The following PALM2AKAP2 variants were observed in gnomAD, a reference collection of about 807,000 sequenced individuals.
The protein encoded by PALM2AKAP2 is PALM2-AKAP2 fusion protein.
A neutral mutation model predicts 71.5 loss-of-function variants in PALM2AKAP2; 37 were observed. The observed-to-expected ratio is 0.52, with a 90% confidence interval of 0.40 to 0.68. PALM2AKAP2 has a LOEUF of 0.68. Ranked by LOEUF, PALM2AKAP2 falls within the 30% of genes least tolerant of loss-of-function variation. PALM2AKAP2 has a pLI of 0.00. For missense variants in PALM2AKAP2, 1,224 were observed against 1,191.8 expected (o/e 1.03, Z -0.40); for synonymous variants, 468 against 478.8 (o/e 0.98, Z 0.29).
chr9:109,696,595 G>A (rs1827973954), intron 1 of PALM2AKAP2, among the ~76,000 whole-genome samples: 1 of 152,152 alleles, frequency 6.6e-6, no homozygotes, highest in Admixed American at 6.5e-5. Context: ...TCACTCAGTG[G>A]TGTTGGTACA....
At chr9:109,943,209 G>C (rs1405912755) in intron 6 of PALM2AKAP2, 1 of 1,614,216 alleles carries the variant, frequency 6.2e-7, no homozygotes, top group South Asian at 1.1e-5. Context: ...AGGCTGAATT[G>C]GTCCTCATTG....
chr9:110,085,468 G>GATGTTGGATGTATGTATGTAGAAAAT (rs578234694), intron 1 of PALM2AKAP2, among the ~76,000 whole-genome samples: 2,332 of 152,316 alleles, frequency 0.015, 23 homozygotes, highest in Middle Eastern at 0.031. Context: ...TGGATTTCTT[G>GATGTTGGATGTATGTATGTAGAAAAT]ATGTATGGAT....
intron 1 of PALM2AKAP2, among the ~76,000 whole-genome samples, chr9:109,675,795 A>T (rs1347952563): frequency 6.6e-6 from 1 of 152,196 alleles, no homozygotes; most frequent in Non-Finnish European, 1.5e-5. Flanking sequence ...ATGCCTGGAC[A>T]CAAGTGGGCA....
At position 109,714,192 on chromosome 9, in the gene PALM2AKAP2, T is replaced by A. The variant is rs375710164; in HGVS notation, c.6-66296T>A. ...CAGAAGAGTACTGCTATCTAGTTAC[T>A]TCCAATTGTTAACCTCTGAGATCCT... On this transcript the variant is annotated intron_variant, in intron 1 of 6. Transcript: ENST00000374531. Among the ~76,000 whole-genome samples the A allele has an allele frequency of 6.4e-4, 98 of 152,376 alleles. 1 individual carries two copies. The South Asian group carries it at 0.017, about 26-fold the overall frequency.
At chr9:109,928,375 A>G (rs150920837) in intron 5 of PALM2AKAP2, among the ~76,000 whole-genome samples, 1 of 152,246 alleles carries the variant, frequency 6.6e-6, no homozygotes, top group African/African-American at 2.4e-5. Flanking sequence ...ACTAAGAAGC[A>G]GCACTCATCT....
chr9:110,128,718 G>A (rs532292101), intron 1 of PALM2AKAP2, among the ~76,000 whole-genome samples: 1 of 152,362 alleles, frequency 6.6e-6, no homozygotes, highest in South Asian at 2.1e-4. Flanking sequence ...AACAGCCTGA[G>A]GATGGTGGGG....
At chr9:109,782,827 G>A (rs1412881030) in intron 1 of PALM2AKAP2, among the ~76,000 whole-genome samples, 1 of 151,568 alleles carries the variant, frequency 6.6e-6, no homozygotes, top group East Asian at 1.9e-4. Flanking sequence ...GAGTTGGGTG[G>A]GGGGACTTAT....
chr9:109,743,714 C>T (rs977891221), intron 1 of PALM2AKAP2, among the ~76,000 whole-genome samples: 2 of 152,284 alleles, frequency 1.3e-5, no homozygotes, highest in Non-Finnish European at 2.9e-5. Flanking sequence ...ACACTTTCTA[C>T]CTTGCATTAT....
At chr9:110,076,008 A>G (rs1387780568) in intron 1 of PALM2AKAP2, among the ~76,000 whole-genome samples, 3 of 152,262 alleles carry the variant, frequency 2.0e-5, no homozygotes, top group Admixed American at 2.0e-4. Flanking sequence ...CATTGATACA[A>G]TACTATTACC....
chr9:110,170,339 T>C (rs1470210808), exon 4 of PALM2AKAP2: 1 of 152,682 alleles, frequency 6.5e-6, no homozygotes, highest in East Asian at 1.9e-4. Context: ...ATAAGCTCTA[T>C]TATGTTATTC....
chr9:109,689,466 C>T (rs1827851370), intron 1 of PALM2AKAP2, among the ~76,000 whole-genome samples: 1 of 152,122 alleles, frequency 6.6e-6, no homozygotes, highest in South Asian at 2.1e-4. Flanking sequence ...ACCCAAAGTG[C>T]TGGGATTACA....
At chr9:109,712,359 C>A (rs769629967) in intron 1 of PALM2AKAP2, among the ~76,000 whole-genome samples, 4 of 152,188 alleles carry the variant, frequency 2.6e-5, no homozygotes, top group Non-Finnish European at 5.9e-5. Context: ...GCTCAAGTCA[C>A]GTTTCAACAT....
intron 4 of PALM2AKAP2, among the ~76,000 whole-genome samples, chr9:109,924,422 C>A (rs1337966560): frequency 1.3e-5 from 2 of 152,094 alleles, no homozygotes; most frequent in Admixed American, 6.5e-5. Context: ...CGTGGTGAAA[C>A]CCTGTCTGTA....
chr9:110,071,705 G>A (rs1180020364), intron 1 of PALM2AKAP2, among the ~76,000 whole-genome samples: 3 of 152,256 alleles, frequency 2.0e-5, no homozygotes, highest in Admixed American at 6.5e-5. Flanking sequence ...TTTCCAATTA[G>A]CACTACCATT....
intron 1 of PALM2AKAP2, among the ~76,000 whole-genome samples, chr9:109,667,659 G>A (rs969511149): frequency 1.3e-5 from 2 of 152,032 alleles, no homozygotes; most frequent in Non-Finnish European, 2.9e-5. Flanking sequence ...TGGGCATGGT[G>A]GCACACACCT....
intron 2 of PALM2AKAP2, among the ~76,000 whole-genome samples, chr9:110,150,314 C>T (rs1218972597): frequency 1.3e-5 from 2 of 152,200 alleles, no homozygotes; most frequent in Non-Finnish European, 2.9e-5. Context: ...GCAGCTCAAA[C>T]AAACCTAAGA....
At chr9:110,103,570 C>T (rs1835049682) in intron 1 of PALM2AKAP2, among the ~76,000 whole-genome samples, 2 of 152,180 alleles carry the variant, frequency 1.3e-5, no homozygotes, top group South Asian at 4.1e-4. Context: ...AAAGATTCAG[C>T]TTGATAAATC....
intron 1 of PALM2AKAP2, among the ~76,000 whole-genome samples, chr9:109,831,030 G>T (rs1465033475): frequency 3.3e-5 from 5 of 151,934 alleles, no homozygotes; most frequent in African/African-American, 1.2e-4. Flanking sequence ...CCAGATCTTT[G>T]GGGAGAAAAC....
Position 109,790,583 on chromosome 9 carries a change from A to G in PALM2AKAP2, c.45+10050A>G, listed in dbSNP as rs145307572. ...GGGCTCTAGGATTTGGGCAACTGTG[A>G]TAGTGTGTGTGTCCTGCATGTCACA... is the stretch of plus-strand genomic sequence containing the variant. On this transcript the variant is annotated intron_variant, in intron 1 of 9. Transcript: ENST00000302798. 7.8e-4 allele frequency among the ~76,000 whole-genome samples: 119 copies of G among 152,318 alleles called. 2 individuals are homozygous for G. The highest frequency in any genetic ancestry group is 2.7e-3 in the African/African-American group (113 of 41,588).
Sources: gnomAD v4.1 joint callset for allele counts (sites outside exome capture counted in the v4.1 genomes callset) on GRCh38, gnomAD v4.1.1 for gene constraint, MANE v1.5 for transcripts, NCBI Gene and HGNC (gene_info 2026-07-23, HGNC 2026-07-21) for gene names.